Variants in IWS1 observed in about 807,000 individuals in gnomAD.
IWS1 encodes the protein interacts with SUPT6H, CTD assembly factor 1, also known as protein IWS1 homolog.
Under a neutral mutation model 86.7 loss-of-function variants are expected in IWS1, and 27 were observed. The observed-to-expected ratio is 0.31, with a 90% confidence interval of 0.23 to 0.43. IWS1 has a LOEUF of 0.43. IWS1 is among the 20% of genes least tolerant of loss of function. The pLI, the probability that IWS1 is intolerant of heterozygous loss-of-function variation, is 1.00. For missense variants in IWS1, 827 were observed against 1,000.8 expected, an observed-to-expected ratio of 0.83 and a Z score of 2.34; for synonymous variants, 313 against 335.1, an observed-to-expected ratio of 0.93 and a Z score of 0.72.
chr2:127,521,654 A>G (rs1051112835), intron 2 of IWS1, among the ~76,000 whole-genome samples: 6 of 152,156 alleles, frequency 3.9e-5, no homozygotes, highest in Non-Finnish European at 7.4e-5. Flanking sequence ...TGAGTATCTC[A>G]TGTAATTTAC....
At chr2:127,501,363 C>T (rs1391413702) in intron 5 of IWS1, among the ~76,000 whole-genome samples, 2 of 152,068 alleles carry the variant, frequency 1.3e-5, no homozygotes, top group Non-Finnish European at 2.9e-5. Context: ...TGCTTTTAGA[C>T]TTTCCTATTT....
intron 7 of IWS1, among the ~76,000 whole-genome samples, chr2:127,495,426 G>A (rs1229873476): frequency 6.6e-6 from 1 of 152,066 alleles, no homozygotes; most frequent in African/African-American, 2.4e-5. Context: ...TATACCTGTT[G>A]CATATATTTC....
In IWS1 at chr2:127,526,335, G is replaced by A. The variant is rs974793856; in HGVS notation, c.-127C>T. 4 of 1,538,442 alleles carry A rather than the reference G, an allele frequency of 2.6e-6. No individual in the cohort carries two copies. Among genetic ancestry groups the A allele is most frequent in the African/African-American group, 2.7e-5 (2 of 73,060 alleles). ...CTGCCGCCCGACCGGAGAACTTAAC[G>A]GGTGCGGAGGGTAAGAAAGCGGTAG... On this transcript the variant is annotated 5_prime_UTR_variant, in exon 1 of 14. Transcript: ENST00000295321.
intron 1 of IWS1, 109 bp from the exon 2 acceptor site, chr2:127,523,900 G>A: frequency 1.4e-6 from 1 of 704,886 alleles, no homozygotes; most frequent in East Asian, 2.5e-5. Context: ...TTACCACTGA[G>A]GAAGCATTAA....
intron 7 of IWS1, among the ~76,000 whole-genome samples, chr2:127,495,567 G>A (rs985664553): frequency 2.6e-5 from 4 of 152,150 alleles, no homozygotes; most frequent in African/African-American, 9.7e-5. Context: ...CAAAAGATCT[G>A]AACTTGTTTT....
At chr2:127,526,702 C>T, upstream of IWS1, 1 of 1,305,678 alleles carries the variant, frequency 7.7e-7, no homozygotes, top group Non-Finnish European at 1.0e-6. Flanking sequence ...TTATCATTTC[C>T]TAGATTCTGT....
At chr2:127,501,588 T>TA (rs1690815013) in intron 5 of IWS1, among the ~76,000 whole-genome samples, 1 of 152,194 alleles carries the variant, frequency 6.6e-6, no homozygotes, top group Admixed American at 6.5e-5. Context: ...TTTCCTTTCT[T>TA]CTGTAATACT....
chr2:127,516,793 T>C (rs1349383497), intron 2 of IWS1, among the ~76,000 whole-genome samples: 2 of 152,190 alleles, frequency 1.3e-5, no homozygotes, highest in Non-Finnish European at 2.9e-5. Context: ...AGAGACCTTT[T>C]TTAAAAACAA....
At chr2:127,514,086 A>G (rs1691626564) in intron 2 of IWS1, among the ~76,000 whole-genome samples, 3 of 152,182 alleles carry the variant, frequency 2.0e-5, no homozygotes, top group Non-Finnish European at 4.4e-5. Flanking sequence ...GCTAATTTTT[A>G]ACTAATCAAA....
chr2:127,519,066 T>C (rs1303549850), intron 2 of IWS1, among the ~76,000 whole-genome samples: 16 of 150,792 alleles, frequency 1.1e-4, no homozygotes, highest in Non-Finnish European at 2.9e-5. Context: ...TTGCATTCAT[T>C]TTGAGTTTTA....
chr2:127,494,898 C>A lies in IWS1; in HGVS notation c.1773G>T (p.Leu591=), dbSNP rs141440109. The A allele has an allele frequency of 6.2e-7, 1 of 1,601,978 alleles. No homozygotes were observed. The change falls in exon 8 of 14, where the codon CTG becomes CTT. Residue 591 remains leucine (L), a synonymous_variant. Transcript: ENST00000295321. ...TCTTAAGGTGCATAACTACAGCAGG[C>A]AGTAAAGTTAATTTTTTCAGTGCTG... ...KKPALKKLTL[L]PAVVMHLKKQ... is the part of the protein sequence containing the mutation.
intron 2 of IWS1, among the ~76,000 whole-genome samples, chr2:127,515,316 T>C (rs775134876): frequency 7.9e-5 from 12 of 152,186 alleles, no homozygotes; most frequent in Non-Finnish European, 1.6e-4. Context: ...GTCCTGTTAA[T>C]ATACAGGCAT....
At chr2:127,483,804 ATTTTTTGG>A (rs1324231739) in intron 13 of IWS1, among the ~76,000 whole-genome samples, 3 of 151,936 alleles carry the variant, frequency 2.0e-5, no homozygotes, top group African/African-American at 7.3e-5. Context: ...TAATTTTTTA[ATTTTTTGG>A]TAGAGATGGA....
In IWS1 at chr2:127,526,334, C is replaced by T. The variant is rs1177837553; in HGVS notation, c.-126G>A. The T allele has an allele frequency of 4.5e-6, 7 of 1,538,982 alleles. No individual in the cohort carries two copies. The highest frequency in any genetic ancestry group is 5.2e-6 in the Non-Finnish European group (6 of 1,146,706). On this transcript the variant is annotated 5_prime_UTR_variant, in exon 1 of 14. Coordinates refer to ENST00000295321, the MANE Select transcript of IWS1 (RefSeq NM_017969.3). ...ACTGCCGCCCGACCGGAGAACTTAA[C>T]GGGTGCGGAGGGTAAGAAAGCGGTA...
chr2:127,489,144 T>C lies in IWS1; in HGVS notation c.2216+35A>G. 1.4e-6 allele frequency: 2 copies of C among 1,479,750 alleles called. No individual in the cohort carries two copies. The highest frequency in any genetic ancestry group is 1.9e-6 in the Non-Finnish European group (2 of 1,066,554). The allele number at this position is 1,479,750 out of a possible 1,614,324, so 91.7% of individuals were successfully genotyped here. On this transcript the variant is annotated intron_variant, in intron 12 of 13. Transcript: ENST00000295321. This position sits in a 1 kb window ranked among gnomAD's most constrained non-coding sequence, Gnocchi z 4.8. ...AAGCAGCAAACGGAAATTCTCTATA[T>C]AGTCTAGGAAGAAAAATTAACATTA...
intron 2 of IWS1, among the ~76,000 whole-genome samples, chr2:127,509,491 G>A (rs1691328139): frequency 6.6e-6 from 1 of 151,960 alleles, no homozygotes; most frequent in Admixed American, 6.6e-5. Flanking sequence ...GGCAGATCAC[G>A]AGGTCAGGAG....
intron 5 of IWS1, among the ~76,000 whole-genome samples, chr2:127,500,216 TGAAAA>T (rs1234543248): frequency 2.0e-5 from 3 of 152,138 alleles, no homozygotes; most frequent in African/African-American, 7.2e-5. Flanking sequence ...ATTAAGAAAG[TGAAAA>T]AGAAGTAACA....
At chr2:127,497,125 G>A (rs754585793) in intron 6 of IWS1, among the ~76,000 whole-genome samples, 2 of 152,066 alleles carry the variant, frequency 1.3e-5, no homozygotes, top group South Asian at 2.1e-4. Flanking sequence ...GTTAAGCGAC[G>A]CATGACTGTA....
chr2:127,510,242 C>G (rs1246563348), intron 2 of IWS1, among the ~76,000 whole-genome samples: 1 of 152,142 alleles, frequency 6.6e-6, no homozygotes, highest in Non-Finnish European at 1.5e-5. Context: ...GTTTAATGAG[C>G]ATGAAAGAAT....
Sources: gnomAD v4.1 joint callset for allele counts (sites outside exome capture counted in the v4.1 genomes callset) on GRCh38, gnomAD v4.1.1 for gene constraint, Gnocchi (gnomAD v3.1) non-coding constraint, MANE v1.5 for transcripts, NCBI Gene and HGNC (gene_info 2026-07-23, HGNC 2026-07-21) for gene names.